The following PMF1 variants were observed in gnomAD, a reference collection of about 807,000 sequenced individuals.
PMF1 encodes the protein polyamine modulated factor 1.
In PMF1, 21 loss-of-function variants were observed where a neutral mutation model predicts 26.7. That is an observed-to-expected ratio of 0.79 (90% CI 0.56 to 1.13). The LOEUF is 1.13. Ranked by LOEUF, PMF1 falls within the 50% of genes most tolerant of loss-of-function variation. The pLI is 0.00. For missense variants in PMF1, 266 were observed against 254.9 expected, an observed-to-expected ratio of 1.04 and a Z score of -0.30; for synonymous variants, 105 against 101.0, an observed-to-expected ratio of 1.04 and a Z score of -0.24.
At chr1:156,226,210 T>A (rs180702079) in intron 1 of PMF1, among the ~76,000 whole-genome samples, 1 of 152,358 alleles carries the variant, frequency 6.6e-6, no homozygotes, top group East Asian at 1.9e-4. Flanking sequence ...CTCACTATGT[T>A]GCCCAGGCTG....
intron 3 of PMF1, among the ~76,000 whole-genome samples, 198 bp downstream of exon 3, chr1:156,233,926 C>G (rs1426407375): frequency 6.6e-6 from 1 of 151,920 alleles, no homozygotes; most frequent in Non-Finnish European, 1.5e-5. Context: ...AGTTCAGCTT[C>G]TTGAAGGAGA....
At chr1:156,238,807 A>G (rs1659183911) in intron 4 of PMF1, among the ~76,000 whole-genome samples, 1 of 147,854 alleles carries the variant, frequency 6.8e-6, no homozygotes, top group East Asian at 2.0e-4. Flanking sequence ...TACTGTCCCC[A>G]CTCCCTCTGC....
intron 1 of PMF1, among the ~76,000 whole-genome samples, chr1:156,220,371 T>A (rs1454765405): frequency 2.0e-5 from 3 of 152,038 alleles, no homozygotes; most frequent in Non-Finnish European, 4.4e-5. Context: ...GCCAATTTTT[T>A]AATATTTTTG....
At chr1:156,213,583 G>C (rs1451120507) in intron 1 of PMF1, among the ~76,000 whole-genome samples, 1 of 151,932 alleles carries the variant, frequency 6.6e-6, no homozygotes, top group African/African-American at 2.4e-5. Flanking sequence ...TCCTGCCGCA[G>C]CTTCCCAAGT....
intron 4 of PMF1, among the ~76,000 whole-genome samples, chr1:156,237,593 TGA>T (rs1435684143): frequency 4.6e-5 from 7 of 151,576 alleles, no homozygotes; most frequent in African/African-American, 1.7e-4. Flanking sequence ...ATTCCAGGCA[TGA>T]GCTGCCACAC....
chr1:156,222,780 G>T (rs1296508770), intron 1 of PMF1, among the ~76,000 whole-genome samples: 1 of 141,252 alleles, frequency 7.1e-6, no homozygotes, highest in Admixed American at 6.9e-5. Context: ...GCCTCCCAAA[G>T]TGCTGGGATT....
intron 1 of PMF1, among the ~76,000 whole-genome samples, chr1:156,226,097 C>T (rs2248074): frequency 0.34 from 52,077 of 151,596 alleles, 9,206 homozygotes; most frequent in African/African-American, 0.4. Context: ...TCAAGTGATC[C>T]CCCCACTTCG....
chr1:156,213,270 TG>T, intron 1 of PMF1, 94 bp downstream of exon 1: 2 of 1,538,884 alleles, frequency 1.3e-6, no homozygotes, highest in Non-Finnish European at 1.8e-6. Context: ...CGCGGTGACG[TG>T]GGTCCGCGTT....
At chr1:156,239,402 C>G in intron 4 of PMF1, 146 bp from the exon 5 acceptor site, 1 of 636,698 alleles carries the variant, frequency 1.6e-6, no homozygotes. Flanking sequence ...TTCATCCTAA[C>G]ATGCTCTGCA....
Position 156,239,569 on chromosome 1 carries a change from G to T in PMF1, c.586G>T (p.Glu196Ter). ...TCAGGCTCTACACAGAGAACAGAGG[G>T]AGCTGGTTGCTGTGCTGAGGGAGCC... ...AWQALHREQR[E>*]LVAVLREPE Residue 196 changes from glutamate to a stop codon, truncating the protein, a stop_gained, in exon 5 of 5, where the codon GAG (glutamate) becomes TAG (stop). Transcript: ENST00000368277. LOFTEE classifies it high-confidence loss of function. The T allele has an allele frequency of 6.2e-7, 1 of 1,613,188 alleles. No individual in the cohort carries two copies. Among genetic ancestry groups the T allele is most frequent in the Non-Finnish European group, 8.5e-7 (1 of 1,179,934 alleles).
intron 1 of PMF1, among the ~76,000 whole-genome samples, chr1:156,222,109 C>T (rs769893588): frequency 6.6e-6 from 1 of 152,208 alleles, no homozygotes; most frequent in Non-Finnish European, 1.5e-5. Context: ...CTCCTTAGCA[C>T]AGTGTACAAG....
intron 1 of PMF1, among the ~76,000 whole-genome samples, chr1:156,229,752 T>C (rs567126604): frequency 1.3e-5 from 2 of 152,188 alleles, no homozygotes; most frequent in South Asian, 4.1e-4. Flanking sequence ...TTGTATTTTT[T>C]AGTAGAGACG....
Position 156,216,655 on chromosome 1 carries a change from G to A in PMF1, c.161+3479G>A, listed in dbSNP as rs1235245852. Among the ~76,000 whole-genome samples, 4 of 151,724 alleles carry A rather than the reference G, an allele frequency of 2.6e-5. No individual in the cohort carries two copies. The East Asian group carries it at 7.8e-4, about 29-fold the overall frequency. Reference sequence around the variant, plus strand: ...CTCTGACCCACCCGGGGGCGGCGGGGAAGGCGGCGAGGGCTACCCTGCCCC... The same window carrying A: ...CTCTGACCCACCCGGGGGCGGCGGGAAAGGCGGCGAGGGCTACCCTGCCCC... On this transcript the variant is annotated intron_variant, in intron 1 of 4. Coordinates refer to ENST00000368277, the MANE Select transcript of PMF1 (RefSeq NM_007221.4).
At chr1:156,216,082 T>C (rs1403189345) in intron 1 of PMF1, among the ~76,000 whole-genome samples, 1 of 152,046 alleles carries the variant, frequency 6.6e-6, no homozygotes, top group Non-Finnish European at 1.5e-5. Context: ...GTAGACATTC[T>C]GGTACCATTA....
At chr1:156,237,489 C>A (rs992044385) in intron 4 of PMF1, among the ~76,000 whole-genome samples, 8 of 149,322 alleles carry the variant, frequency 5.4e-5, no homozygotes, top group African/African-American at 2.0e-4. Flanking sequence ...CTCTGTTGCC[C>A]AGGCTGGAGT....
rs1161447612 is a variant in PMF1, at chr1:156,239,824, C to A, written c.*223C>A. 5.0e-5 allele frequency: 26 copies of A among 518,844 alleles called. No homozygotes were observed. The highest frequency in any genetic ancestry group is 8.2e-5 in the Non-Finnish European group (24 of 291,994). 32.1% of individuals were successfully genotyped at this position (518,844 alleles called of 1,614,324 possible). A position where few individuals can be genotyped will look rare whatever the true frequency, so the allele number is the denominator to read the frequency against. On this transcript the variant is annotated 3_prime_UTR_variant, in exon 5 of 5. Coordinates refer to ENST00000368277, the MANE Select transcript of PMF1 (RefSeq NM_007221.4). The stretch of plus-strand genomic sequence containing the variant: ...ACACCCCCTTTAGATTCCTCTGTTT[C>A]TTCTACCTGGATAATTCTTGGCCAT...
chr1:156,238,231 T>C lies in PMF1; in HGVS notation c.565-1317T>C, dbSNP rs565411928. ...CTGTGATGCCTCCAGCTTTGTTCTT[T>C]GTGCTCAGGATTATTTTGACTATCT... On this transcript the variant is annotated intron_variant, in intron 4 of 4. Transcript: ENST00000368277. Among the ~76,000 whole-genome samples, 194 of 152,378 alleles carry C rather than the reference T, an allele frequency of 1.3e-3. 7 individuals are homozygous for C. The South Asian group carries it at 0.039, about 31-fold the overall frequency.
At chr1:156,238,506 C>T (rs959466414) in intron 4 of PMF1, among the ~76,000 whole-genome samples, 1 of 152,204 alleles carries the variant, frequency 6.6e-6, no homozygotes, top group Admixed American at 6.5e-5. Flanking sequence ...AAGTGCATTT[C>T]CAAGAGAAGC....
In PMF1 at chr1:156,239,905, T is replaced by G; in HGVS notation, c.*304T>G. 1 of 365,176 alleles carries G rather than the reference T, an allele frequency of 2.7e-6. No individual in the cohort carries two copies. Among genetic ancestry groups the G allele is most frequent in the Non-Finnish European group, 5.0e-6 (1 of 200,638 alleles). 22.6% of individuals were successfully genotyped at this position (365,176 alleles called of 1,614,324 possible). On this transcript the variant is annotated 3_prime_UTR_variant, in exon 5 of 5. Coordinates refer to ENST00000368277, the MANE Select transcript of PMF1 (RefSeq NM_007221.4). ...TGCCCCTCCGCCCCCCTCCTGCTGG[T>G]TCCCCAGCCCTTTTCCCTGGCCCTG...
Sources: allele counts gnomAD v4.1 joint callset (sites outside exome capture counted in the v4.1 genomes callset), GRCh38; gene constraint gnomAD v4.1.1; transcripts MANE v1.5; gene names NCBI Gene and HGNC (gene_info 2026-07-23, HGNC 2026-07-21).